CLOCK: variants seen among roughly 807,000 people sequenced by gnomAD.
CLOCK encodes the protein clock circadian regulator, also known as circadian locomoter output cycles protein kaput.
In CLOCK, 43 loss-of-function variants were observed where a neutral mutation model predicts 118.4. The observed-to-expected ratio is 0.36, with a 90% CI of 0.28 to 0.47. The LOEUF (loss-of-function observed/expected upper bound fraction) is 0.47, where lower values mean the gene tolerates loss of function less well. Ranked by LOEUF, CLOCK falls within the 20% of genes least tolerant of loss-of-function variation. The pLI, the probability that CLOCK is intolerant of heterozygous loss-of-function variation, is 1.00. For missense variants in CLOCK, 846 were observed against 999.9 expected (o/e 0.85, Z 2.08); for synonymous variants, 326 against 339.2 (o/e 0.96, Z 0.43).
rs551176391 is a variant in CLOCK at position 55,529,270 on chromosome 4, T to C, written c.-290+17512A>G. Among the ~76,000 whole-genome samples the C allele has an allele frequency of 2.0e-5, 3 of 152,346 alleles. No homozygotes were observed. The South Asian group carries it at 6.2e-4, about 32-fold the overall frequency. ...AACTCCTGAGCTCAAGTGATCTTCC[T>C]GCCTCAGCCTCCCAAGTAGCTAGGA... On this transcript the variant is annotated intron_variant, in intron 1 of 22. Transcript: ENST00000513440.
intron 1 of CLOCK, among the ~76,000 whole-genome samples, chr4:55,543,040 A>G (rs898487922): frequency 6.6e-6 from 1 of 152,056 alleles, no homozygotes; most frequent in African/African-American, 2.4e-5. Context: ...CAGCCTCCCA[A>G]TTAGCTGAAA....
chr4:55,469,883 G>GT (rs1406541583), intron 8 of CLOCK, among the ~76,000 whole-genome samples: 1 of 151,700 alleles, frequency 6.6e-6, no homozygotes, highest in Non-Finnish European at 1.5e-5. Flanking sequence ...TAATTTTTAT[G>GT]TTTTTTTAAA....
At chr4:55,481,514 G>GT (rs771377376) in intron 4 of CLOCK, among the ~76,000 whole-genome samples, 1 of 152,194 alleles carries the variant, frequency 6.6e-6, no homozygotes. Flanking sequence ...AATTCCGCCT[G>GT]TAACTATGGC....
chr4:55,519,785 AAAAAAT>A (rs1052611352), intron 1 of CLOCK, among the ~76,000 whole-genome samples: 3 of 152,076 alleles, frequency 2.0e-5, no homozygotes, highest in African/African-American at 4.8e-5. Flanking sequence ...TCAAAAAAAT[AAAAAAT>A]AAAAATAAAA....
At chr4:55,479,161 A>C in intron 5 of CLOCK, 198 bp from the exon 6 acceptor site, 1 of 470,408 alleles carries the variant, frequency 2.1e-6, no homozygotes, top group Non-Finnish European at 3.7e-6. Flanking sequence ...AAATTTTACA[A>C]ATCATACATT....
intron 7 of CLOCK, 52 bp from the exon 8 acceptor site, chr4:55,470,858 G>A: frequency 1.5e-6 from 2 of 1,295,802 alleles, no homozygotes; most frequent in Non-Finnish European, 2.2e-6. Context: ...GTATTTTGCA[G>A]GACAGAAATA....
rs371676795 is a variant in CLOCK at position 55,475,140 on chromosome 4, A to C, written c.348+823T>G. Among the ~76,000 whole-genome samples the C allele has an allele frequency of 5.3e-5, 8 of 152,240 alleles. No homozygotes were observed. The South Asian group carries it at 1.7e-3, about 32-fold the overall frequency. ...TTCATGGGAGAAGGTCAAAATATCA[A>C]CATTACCAAGAGTTAAGAAGAAGTT... On this transcript the variant is annotated intron_variant, in intron 7 of 22. Transcript: ENST00000513440.
chr4:55,470,007 T>A (rs896596584), intron 8 of CLOCK, among the ~76,000 whole-genome samples: 1 of 151,818 alleles, frequency 6.6e-6, no homozygotes, highest in Non-Finnish European at 1.5e-5. Flanking sequence ...GTAAAAAAGT[T>A]AAAAAAAAAT....
chr4:55,467,301 A>C (rs940793211), intron 8 of CLOCK, among the ~76,000 whole-genome samples: 1 of 152,160 alleles, frequency 6.6e-6, no homozygotes, highest in Non-Finnish European at 1.5e-5. Flanking sequence ...TCATACATTC[A>C]ACAAATAATC....
chr4:55,507,052 G>T (rs946083495), intron 2 of CLOCK, among the ~76,000 whole-genome samples: 5 of 152,120 alleles, frequency 3.3e-5, no homozygotes, highest in Admixed American at 2.6e-4. Context: ...GGTGGCTCAT[G>T]CTTGTAATCA....
chr4:55,453,188 C>T, intron 14 of CLOCK, 59 bp from the exon 15 acceptor site: 3 of 1,296,080 alleles, frequency 2.3e-6, no homozygotes, highest in Non-Finnish European at 3.4e-6. Flanking sequence ...AAATACTGCA[C>T]AGCTGTAACT....
chr4:55,516,531 G>A (rs1055156895), intron 1 of CLOCK, among the ~76,000 whole-genome samples: 7 of 150,454 alleles, frequency 4.7e-5, no homozygotes, highest in Admixed American at 1.3e-4. Context: ...GCTTTCTTTC[G>A]GTTAGTGTTA....
rs573669561 is a variant in CLOCK at position 55,510,301 on chromosome 4, G to A, written c.-289-236C>T. 7.2e-5 allele frequency among the ~76,000 whole-genome samples: 11 copies of A among 152,224 alleles called. No individual in the cohort carries two copies. The South Asian group carries it at 2.1e-3, about 29-fold the overall frequency. On this transcript the variant is annotated intron_variant, in intron 1 of 22. Coordinates refer to ENST00000513440, the MANE Select transcript of CLOCK (RefSeq NM_004898.4). ...TGGTGTGAAGGGAAAGCATAACAGAGATACAAACCAGTTTGCTGGAAATTG... is the reference window on the plus strand; with the variant it reads ...TGGTGTGAAGGGAAAGCATAACAGAAATACAAACCAGTTTGCTGGAAATTG...
In CLOCK at chr4:55,430,199, G is replaced by A. The variant is rs1722408464; in HGVS notation, c.*5216C>T. ...ACTAGTTTGATTGTCACTTAATGCA[G>A]CACCTCAGTGTTTGCTGGTGGTGGT... On this transcript the variant is annotated 3_prime_UTR_variant, in exon 23 of 23. Coordinates refer to ENST00000513440, the MANE Select transcript of CLOCK (RefSeq NM_004898.4). The A allele has an allele frequency of 6.8e-6, 1 of 147,092 alleles. No homozygotes were observed. The highest frequency in any genetic ancestry group is 1.5e-5 in the Non-Finnish European group (1 of 65,534). 9.1% of individuals were successfully genotyped at this position (147,092 alleles called of 1,614,324 possible).
At chr4:55,529,102 C>T (rs1730378403) in intron 1 of CLOCK, among the ~76,000 whole-genome samples, 1 of 152,080 alleles carries the variant, frequency 6.6e-6, no homozygotes, top group African/African-American at 2.4e-5. Flanking sequence ...CAATAAGGAT[C>T]CCCAGATATA....
At chr4:55,448,507 AC>A (rs1448277327) in intron 18 of CLOCK, among the ~76,000 whole-genome samples, 67 of 152,190 alleles carry the variant, frequency 4.4e-4, no homozygotes, top group African/African-American at 1.6e-3. Context: ...AATCATTACA[AC>A]AATCAAAAAT....
At chr4:55,530,126 A>C in intron 1 of CLOCK, among the ~76,000 whole-genome samples, 1 of 152,218 alleles carries the variant, frequency 6.6e-6, no homozygotes. Context: ...ATTTCAACTG[A>C]AAGGACCTAC....
intron 20 of CLOCK, among the ~76,000 whole-genome samples, chr4:55,442,925 A>C (rs1723494854): frequency 6.6e-6 from 1 of 152,150 alleles, no homozygotes; most frequent in Non-Finnish European, 1.5e-5. Context: ...AAAGTGAATG[A>C]CTAATTAGTG....
Position 55,450,180 on chromosome 4 carries a change from G to A in CLOCK, c.1259C>T (p.Ala420Val), listed in dbSNP as rs762296286. ...NRINTVSLKE[A>V]LERFDHSPTP... Reference sequence around the variant, plus strand: ...TGGGCTGTGATCAAACCTTTCCAATGCTTCCTTGAGACTGACTGTGTTTAT... The same window carrying A: ...TGGGCTGTGATCAAACCTTTCCAATACTTCCTTGAGACTGACTGTGTTTAT... Residue 420 changes from alanine to valine, a missense_variant, in exon 16 of 23, where the codon GCA becomes GTA. Coordinates refer to ENST00000513440, the MANE Select transcript of CLOCK (RefSeq NM_004898.4). The A allele has an allele frequency of 6.2e-7, 1 of 1,613,962 alleles. No individual in the cohort carries two copies.
Sources: gnomAD v4.1 joint callset for allele counts (sites outside exome capture counted in the v4.1 genomes callset) on GRCh38, gnomAD v4.1.1 for gene constraint, MANE v1.5 for transcripts, NCBI Gene and HGNC (gene_info 2026-07-23, HGNC 2026-07-21) for gene names.